The following DLGAP2 variants were observed in gnomAD, a reference collection of about 807,000 sequenced individuals.
DLGAP2 encodes the protein disks large-associated protein 2.
In DLGAP2, 26 loss-of-function variants were observed where a neutral mutation model predicts 100.3. The observed-to-expected ratio is 0.26, with a 90% confidence interval of 0.19 to 0.36. The LOEUF (loss-of-function observed/expected upper bound fraction) is 0.36, where lower values mean the gene tolerates loss of function less well. Among genes scored for constraint, DLGAP2 ranks in the 10% least tolerant of loss-of-function variants. DLGAP2 has a pLI of 1.00. For synonymous variants in DLGAP2, 886 were observed against 630.1 expected (o/e 1.41, Z -6.08); for missense variants, 1,858 against 1,453.2 (o/e 1.28, Z -4.53).
chr8:863,149 C>T (rs1023388740), intron 1 of DLGAP2, among the ~76,000 whole-genome samples: 1 of 152,094 alleles, frequency 6.6e-6, no homozygotes, highest in Non-Finnish European at 1.5e-5. Context: ...TTGCTCACGG[C>T]CAAGGAGGTT....
At chr8:1,418,770 C>A (rs1797008312) in intron 3 of DLGAP2, among the ~76,000 whole-genome samples, 1 of 152,192 alleles carries the variant, frequency 6.6e-6, no homozygotes, top group South Asian at 2.1e-4. Context: ...TCATTGCTGT[C>A]CTGACCCTGA....
chr8:1,275,464 C>T (rs965924818), intron 3 of DLGAP2, among the ~76,000 whole-genome samples: 5 of 151,818 alleles, frequency 3.3e-5, no homozygotes, highest in East Asian at 3.9e-4. Context: ...TGGGGCCATC[C>T]GGAGATGACT....
intron 4 of DLGAP2, among the ~76,000 whole-genome samples, chr8:1,537,339 G>A (rs1026193477): frequency 3.9e-5 from 6 of 152,006 alleles, no homozygotes; most frequent in Non-Finnish European, 5.9e-5. Context: ...TGTGTGTTGG[G>A]GTGGAGGTGA....
intron 8 of DLGAP2, among the ~76,000 whole-genome samples, chr8:1,664,465 T>A (rs1798493995): frequency 6.6e-6 from 1 of 152,108 alleles, no homozygotes. Context: ...GCCTTTTCAG[T>A]GTGATTATGG....
intron 1 of DLGAP2, among the ~76,000 whole-genome samples, chr8:797,461 C>G (rs1207765053): frequency 6.6e-6 from 1 of 152,150 alleles, no homozygotes; most frequent in African/African-American, 2.4e-5. Flanking sequence ...TCTGGATGGA[C>G]TCCTGGCTGT....
chr8:1,557,518 A>G (rs1161249525), intron 5 of DLGAP2, among the ~76,000 whole-genome samples: 1 of 151,798 alleles, frequency 6.6e-6, no homozygotes, highest in Admixed American at 6.6e-5. Context: ...TGCTGTGTGA[A>G]CTCAGGGGTC....
At chr8:1,415,222 C>A (rs904772113) in intron 3 of DLGAP2, among the ~76,000 whole-genome samples, 1 of 152,142 alleles carries the variant, frequency 6.6e-6, no homozygotes, top group Non-Finnish European at 1.5e-5. Flanking sequence ...TCCAGGCAGC[C>A]CTAAACTGGT....
At chr8:1,186,646 G>A (rs1333912291) in intron 2 of DLGAP2, among the ~76,000 whole-genome samples, 1 of 152,048 alleles carries the variant, frequency 6.6e-6, no homozygotes, top group Non-Finnish European at 1.5e-5. Flanking sequence ...GAGTATCTGT[G>A]GGATATGACC....
chr8:749,341 A>T (rs1240018239), intron 1 of DLGAP2, among the ~76,000 whole-genome samples: 2 of 152,238 alleles, frequency 1.3e-5, no homozygotes, highest in African/African-American at 4.8e-5. Context: ...TTAGAAGCTA[A>T]TTAATATATT....
At chr8:1,387,719 G>A (rs867354610) in intron 3 of DLGAP2, among the ~76,000 whole-genome samples, 5 of 152,312 alleles carry the variant, frequency 3.3e-5, no homozygotes, top group East Asian at 1.9e-4. Flanking sequence ...TGGTAGGGGT[G>A]AAGGGTGAGA....
intron 2 of DLGAP2, among the ~76,000 whole-genome samples, chr8:1,218,518 G>A (rs1798256142): frequency 6.6e-6 from 1 of 151,818 alleles, no homozygotes; most frequent in African/African-American, 2.4e-5. Flanking sequence ...CCAGTACCAT[G>A]TTGTTTTGGT....
chr8:1,011,280 G>A (rs1209864180), intron 2 of DLGAP2, among the ~76,000 whole-genome samples: 2 of 150,190 alleles, frequency 1.3e-5, no homozygotes, highest in Admixed American at 6.6e-5. Flanking sequence ...AGTCTACACA[G>A]TGAGCCCTGG....
intron 1 of DLGAP2, among the ~76,000 whole-genome samples, chr8:784,546 G>C (rs1188157051): frequency 1.3e-5 from 2 of 152,240 alleles, no homozygotes; most frequent in African/African-American, 4.8e-5. Flanking sequence ...CTGGTATCAA[G>C]TTGATATGGT....
chr8:1,148,061 T>C (rs12716580), intron 2 of DLGAP2, among the ~76,000 whole-genome samples: 65,279 of 152,076 alleles, frequency 0.43, 15,579 homozygotes, highest in Non-Finnish European at 0.55. Context: ...TCTTTAAACA[T>C]TGGAAATATT....
chr8:1,551,020 C>T (rs1053597729), intron 5 of DLGAP2, among the ~76,000 whole-genome samples: 2 of 152,236 alleles, frequency 1.3e-5, no homozygotes, highest in Non-Finnish European at 2.9e-5. Context: ...GTGATTCTTT[C>T]TGGGAGTCGT....
At chr8:1,342,776 G>T (rs2117084658) in intron 3 of DLGAP2, among the ~76,000 whole-genome samples, 1 of 152,352 alleles carries the variant, frequency 6.6e-6, no homozygotes, top group East Asian at 1.9e-4. Context: ...GTGTTGAAGT[G>T]CCGGAAAGAC....
intron 1 of DLGAP2, among the ~76,000 whole-genome samples, chr8:768,643 C>G (rs112788651): frequency 1.6e-3 from 240 of 151,958 alleles, no homozygotes; most frequent in African/African-American, 5.3e-3. Context: ...CCAGGATGGT[C>G]TTGACCTCCT....
intron 3 of DLGAP2, among the ~76,000 whole-genome samples, chr8:1,466,139 G>T (rs1798619950): frequency 6.6e-6 from 1 of 152,186 alleles, no homozygotes; most frequent in Non-Finnish European, 1.5e-5. Context: ...GAGCGTTTAG[G>T]TTGAAGTCAA....
At chr8:894,501 C>T (rs754062076) in intron 1 of DLGAP2, among the ~76,000 whole-genome samples, 13 of 151,376 alleles carry the variant, frequency 8.6e-5, no homozygotes, top group African/African-American at 1.7e-4. Context: ...TGGGGGACAC[C>T]GTGACAAATA....
Sources: gnomAD v4.1 joint callset for allele counts (sites outside exome capture counted in the v4.1 genomes callset) on GRCh38, gnomAD v4.1.1 for gene constraint, MANE v1.5 for transcripts, NCBI Gene and HGNC (gene_info 2026-07-23, HGNC 2026-07-21) for gene names.